The following RNF220 variants were observed in gnomAD, a reference collection of about 807,000 sequenced individuals.
The protein encoded by RNF220 is ring finger protein 220.
In RNF220, 7 loss-of-function variants were observed where a neutral mutation model predicts 67.1. That is an observed-to-expected ratio of 0.10 (90% CI 0.06 to 0.20). The LOEUF (loss-of-function observed/expected upper bound fraction) is 0.20, where lower values mean the gene tolerates loss of function less well. Among genes scored for constraint, RNF220 ranks in the 10% least tolerant of loss-of-function variants. The pLI, the probability that RNF220 is intolerant of heterozygous loss-of-function variation, is 1.00. For missense variants in RNF220, 565 were observed against 740.3 expected, an observed-to-expected ratio of 0.76 and a Z score of 2.75; for synonymous variants, 270 against 283.2, an observed-to-expected ratio of 0.95 and a Z score of 0.47.
At chr1:44,469,516 C>G (rs1654605833) in intron 2 of RNF220, among the ~76,000 whole-genome samples, 1 of 152,136 alleles carries the variant, frequency 6.6e-6, no homozygotes, top group African/African-American at 2.4e-5. Flanking sequence ...GGACACAGTC[C>G]CAGATCTGCC....
At chr1:44,574,301 C>T (rs1159589078) in intron 2 of RNF220, among the ~76,000 whole-genome samples, 1 of 152,218 alleles carries the variant, frequency 6.6e-6, no homozygotes, top group Non-Finnish European at 1.5e-5. Context: ...ATGACCTCTG[C>T]CCTATCCCAC....
intron 1 of RNF220, among the ~76,000 whole-genome samples, chr1:44,408,129 T>C (rs1340300210): frequency 6.6e-6 from 1 of 152,062 alleles, no homozygotes; most frequent in African/African-American, 2.4e-5. Context: ...CCCAAGTTTA[T>C]GTAGGTTTCG....
chr1:44,410,352 T>A (rs1408748535), intron 1 of RNF220, among the ~76,000 whole-genome samples: 3 of 152,224 alleles, frequency 2.0e-5, no homozygotes, highest in African/African-American at 7.2e-5. Flanking sequence ...AGAACAGGAT[T>A]CCCAGACTTG....
Position 44,651,029 on chromosome 1 carries a change from A to C in RNF220, c.*254A>C. 3 of 384,390 alleles carry C rather than the reference A, an allele frequency of 7.8e-6. No individual in the cohort carries two copies. The highest frequency in any genetic ancestry group is 1.0e-5 in the Non-Finnish European group (2 of 197,942). 23.8% of individuals were successfully genotyped at this position (384,390 alleles called of 1,614,324 possible). A position where few individuals can be genotyped will look rare whatever the true frequency, so the allele number is the denominator to read the frequency against. ...CCATACCTGTTCCAGCTCTGTTCCC[A>C]GGGTGGGGCAGGGAGGTGGGGGTTG... On this transcript the variant is annotated 3_prime_UTR_variant, in exon 15 of 15. Transcript: ENST00000361799.
At chr1:44,617,677 T>C (rs1293939159) in intron 3 of RNF220, among the ~76,000 whole-genome samples, 1 of 152,160 alleles carries the variant, frequency 6.6e-6, no homozygotes, top group Non-Finnish European at 1.5e-5. Context: ...AGACACCCTC[T>C]CCACTCCTCA....
intron 2 of RNF220, among the ~76,000 whole-genome samples, chr1:44,611,122 C>T (rs1398571603): frequency 6.6e-6 from 1 of 152,172 alleles, no homozygotes. Flanking sequence ...GGAGGGGACA[C>T]AGGGGGCCCA....
In RNF220 at chr1:44,606,004, T is replaced by A. The variant is rs1053760962; in HGVS notation, c.626-8161T>A. Among the ~76,000 whole-genome samples, 4 of 151,610 alleles carry A rather than the reference T, an allele frequency of 2.6e-5. No homozygotes were observed. Among genetic ancestry groups the A allele is most frequent in the Non-Finnish European group, 5.9e-5 (4 of 67,884 alleles). ...CACAGCTAAATACATATCTCTCCCC[T>A]GCCCGCCCTACCCCTACCTCCTCAA... On this transcript the variant is annotated intron_variant, in intron 2 of 14. Coordinates refer to ENST00000361799, the MANE Select transcript of RNF220 (RefSeq NM_018150.4). This position sits in a 1 kb window ranked among gnomAD's most constrained non-coding sequence, Gnocchi z 4.2.
chr1:44,490,865 G>A (rs554844516), intron 2 of RNF220, among the ~76,000 whole-genome samples: 28 of 150,560 alleles, frequency 1.9e-4, no homozygotes, highest in Middle Eastern at 3.4e-3. Context: ...ACAAGAGAGA[G>A]GACTCAAATT....
Position 44,405,569 on chromosome 1 carries a change from C to T in RNF220, c.-118+39C>T, listed in dbSNP as rs1647252572. The T allele has an allele frequency of 1.7e-5, 6 of 350,218 alleles. No individual in the cohort carries two copies. In the South Asian group the frequency reaches 3.0e-4, roughly 18 times the overall value. 21.7% of individuals were successfully genotyped at this position (350,218 alleles called of 1,614,324 possible). A position where few individuals can be genotyped will look rare whatever the true frequency, so the allele number is the denominator to read the frequency against. On this transcript the variant is annotated intron_variant, in intron 1 of 14. Coordinates refer to ENST00000361799, the MANE Select transcript of RNF220 (RefSeq NM_018150.4). ...AAAGGGGTGTGGACGTGTGTGCGTA[C>T]CCAAGAGGGGTGGGTGCGAGGGCGG...
chr1:44,536,016 G>A (rs777545690), intron 2 of RNF220, among the ~76,000 whole-genome samples: 8 of 152,190 alleles, frequency 5.3e-5, no homozygotes, highest in Non-Finnish European at 1.2e-4. Flanking sequence ...TCGCTATTAA[G>A]CAAGGGTGCT....
In RNF220 at chr1:44,483,373, G is replaced by A. The variant is rs188571103; in HGVS notation, c.625+70651G>A. 3.3e-3 allele frequency among the ~76,000 whole-genome samples: 509 copies of A among 152,308 alleles called. 1 individual carries two copies. Among genetic ancestry groups the A allele is most frequent in the Non-Finnish European group, 5.2e-3 (356 of 68,024 alleles). ...CAGAAGGGAAACCAAATGAAAATGT[G>A]TGGAAGAACTATGTCCAGGCTCACA... On this transcript the variant is annotated intron_variant, in intron 2 of 14. Transcript: ENST00000361799.
chr1:44,603,097 G>A (rs533928943), intron 2 of RNF220, among the ~76,000 whole-genome samples: 1 of 152,162 alleles, frequency 6.6e-6, no homozygotes, highest in Non-Finnish European at 1.5e-5. Context: ...GACAAATAAG[G>A]TTTCCCAACG....
intron 2 of RNF220, among the ~76,000 whole-genome samples, chr1:44,486,316 C>T (rs1271205741): frequency 6.6e-6 from 1 of 152,172 alleles, no homozygotes; most frequent in Non-Finnish European, 1.5e-5. Context: ...TCAGAGGCTC[C>T]AGCAGGGGCC....
rs1644750859 is a variant in RNF220 at position 44,650,082 on chromosome 1, C to G, written c.1629+125C>G. 9.8e-7 allele frequency: 1 copy of G among 1,015,274 alleles called. No individual in the cohort carries two copies. Among genetic ancestry groups the G allele is most frequent in the Admixed American group, 2.3e-5 (1 of 42,666 alleles). 62.9% of individuals were successfully genotyped at this position (1,015,274 alleles called of 1,614,324 possible). On this transcript the variant is annotated intron_variant, in intron 14 of 14. Coordinates refer to ENST00000361799, the MANE Select transcript of RNF220 (RefSeq NM_018150.4). This position sits in a 1 kb window ranked among gnomAD's most constrained non-coding sequence, Gnocchi z 4.3. ...GCGCAAAGGAGAACAGAGCCAGGAG[C>G]CAGGATATTTACCCGCAGGATATTT...
At chr1:44,517,304 C>G (rs532565586) in intron 2 of RNF220, among the ~76,000 whole-genome samples, 1 of 152,088 alleles carries the variant, frequency 6.6e-6, no homozygotes, top group Non-Finnish European at 1.5e-5. Context: ...CCTGTCTTCC[C>G]GGACCCCCAT....
intron 8 of RNF220, among the ~76,000 whole-genome samples, chr1:44,637,547 C>A (rs560244088): frequency 6.6e-6 from 1 of 152,348 alleles, no homozygotes; most frequent in South Asian, 2.1e-4. Context: ...CTCACATCCT[C>A]CATTGCTGTG....
At chr1:44,558,569 T>G (rs1558042460) in intron 2 of RNF220, among the ~76,000 whole-genome samples, 7 of 152,330 alleles carry the variant, frequency 4.6e-5, no homozygotes, top group African/African-American at 1.7e-4. Flanking sequence ...TCCTTTATAT[T>G]GAGTATCAAC....
intron 2 of RNF220, among the ~76,000 whole-genome samples, chr1:44,550,747 C>A (rs998199281): frequency 6.6e-6 from 1 of 152,152 alleles, no homozygotes; most frequent in Non-Finnish European, 1.5e-5. Flanking sequence ...ATGAAGGTTT[C>A]CAGCCCGTTT....
rs1648071897 is a variant in RNF220, at chr1:44,412,538, C to T, written c.441C>T (p.Asp147=). 1 of 1,614,182 alleles carries T rather than the reference C, an allele frequency of 6.2e-7. No homozygotes were observed. The highest frequency in any genetic ancestry group is 8.5e-7 in the Non-Finnish European group (1 of 1,180,030). Residue 147 remains aspartate, a synonymous_variant, in exon 2 of 15, where the codon GAC becomes GAT. Transcript: ENST00000361799. The surrounding 1 kb of genome is among the most constrained non-coding windows in gnomAD (Gnocchi z 5.3). ...CCAAGCGACTTAAGAACTGCCATGACACAGAGTCTCCCCACTTGCGCTTCT... is the reference window on the plus strand; with the variant it reads ...CCAAGCGACTTAAGAACTGCCATGATACAGAGTCTCCCCACTTGCGCTTCT... ...TPAKRLKNCH[D]TESPHLRFSD... is the part of the protein sequence containing the mutation.
Sources: allele counts gnomAD v4.1 joint callset (sites outside exome capture counted in the v4.1 genomes callset), GRCh38; gene constraint gnomAD v4.1.1; non-coding constraint Gnocchi (gnomAD v3.1); transcripts MANE v1.5; gene names NCBI Gene and HGNC (gene_info 2026-07-23, HGNC 2026-07-21).